TMOD3: variants seen among roughly 807,000 people sequenced by gnomAD.
TMOD3 encodes the protein tropomodulin 3.
TMOD3 carries 20 observed loss-of-function variants against 39.2 expected under a neutral mutation model. The ratio of observed to expected loss-of-function variants is 0.51; its 90% CI spans 0.36 to 0.74. TMOD3 has a LOEUF of 0.74. Among genes scored for constraint, TMOD3 ranks in the 30% least tolerant of loss-of-function variants. The pLI is 0.00. For missense variants in TMOD3, 381 were observed against 412.8 expected, an observed-to-expected ratio of 0.92 and a Z score of 0.67; for synonymous variants, 143 against 145.8, an observed-to-expected ratio of 0.98 and a Z score of 0.14.
chr15:51,836,435 C>T (rs1430035977), intron 1 of TMOD3, among the ~76,000 whole-genome samples: 1 of 152,110 alleles, frequency 6.6e-6, no homozygotes, highest in African/African-American at 2.4e-5. Flanking sequence ...TTCTTTCACC[C>T]TTATACTACT....
At chr15:51,852,678 T>A (rs1394036615) in intron 1 of TMOD3, among the ~76,000 whole-genome samples, 2 of 152,138 alleles carry the variant, frequency 1.3e-5, no homozygotes, top group African/African-American at 4.8e-5. Context: ...ACTAGGTAGC[T>A]GGAGGAGAAA....
chr15:51,861,675 T>A (rs2056419665), intron 1 of TMOD3, among the ~76,000 whole-genome samples: 1 of 148,972 alleles, frequency 6.7e-6, no homozygotes, highest in Admixed American at 6.7e-5. Context: ...TTTTTTTTTT[T>A]GAGACAAGGT....
intron 7 of TMOD3, among the ~76,000 whole-genome samples, chr15:51,897,319 G>C (rs1189363133): frequency 1.3e-5 from 2 of 151,944 alleles, no homozygotes; most frequent in East Asian, 3.9e-4. Flanking sequence ...CCGTATTCAT[G>C]TCCAGCTACC....
intron 5 of TMOD3, among the ~76,000 whole-genome samples, chr15:51,889,578 A>G (rs945661351): frequency 1.3e-5 from 2 of 152,134 alleles, no homozygotes; most frequent in African/African-American, 4.8e-5. Context: ...CTTTTCAGAA[A>G]CTCATTTATA....
intron 2 of TMOD3, among the ~76,000 whole-genome samples, chr15:51,868,006 G>A (rs1465398170): frequency 6.6e-6 from 1 of 152,142 alleles, no homozygotes; most frequent in Non-Finnish European, 1.5e-5. Context: ...GTATGTCAGG[G>A]GTCCCTTGGG....
chr15:51,863,804 A>G (rs746700709), intron 2 of TMOD3, among the ~76,000 whole-genome samples: 3 of 152,222 alleles, frequency 2.0e-5, no homozygotes, highest in African/African-American at 7.2e-5. Context: ...TGGATGATGT[A>G]TCTATACCAT....
In TMOD3 at chr15:51,875,937, G is replaced by A. The variant is rs1240508993; in HGVS notation, c.283+6564G>A. Among the ~76,000 whole-genome samples, 3 of 152,012 alleles carry A rather than the reference G, an allele frequency of 2.0e-5. No homozygotes were observed. In the East Asian group the frequency reaches 5.8e-4, roughly 29 times the overall value. ...CCGGCCTAAAGTACTGCTTTTAGTT[G>A]TTTCAGAATCTTGTACTCTGAGGCT... On this transcript the variant is annotated intron_variant, in intron 3 of 9. Coordinates refer to ENST00000308580, the MANE Select transcript of TMOD3 (RefSeq NM_014547.5).
At chr15:51,852,371 A>G (rs1288310236) in intron 1 of TMOD3, among the ~76,000 whole-genome samples, 1 of 152,140 alleles carries the variant, frequency 6.6e-6, no homozygotes, top group Non-Finnish European at 1.5e-5. Context: ...CCAGCACCTG[A>G]AGTGGAGTTA....
intron 3 of TMOD3, among the ~76,000 whole-genome samples, chr15:51,885,349 G>T (rs1270525869): frequency 1.3e-5 from 2 of 149,160 alleles, no homozygotes; most frequent in African/African-American, 2.5e-5. Context: ...GGGGGACTTG[G>T]CAGGGTCATA....
chr15:51,844,983 C>CA (rs1233670619), intron 1 of TMOD3, among the ~76,000 whole-genome samples: 1 of 152,144 alleles, frequency 6.6e-6, no homozygotes, highest in African/African-American at 2.4e-5. Flanking sequence ...CACTTTCCTG[C>CA]AGTATTTCAG....
chr15:51,834,745 C>T (rs962779711), intron 1 of TMOD3, among the ~76,000 whole-genome samples: 1 of 152,096 alleles, frequency 6.6e-6, no homozygotes, highest in Non-Finnish European at 1.5e-5. Context: ...GCAGGAGGAT[C>T]ATCTGAGGGA....
At chr15:51,858,282 G>GT (rs2056398274) in intron 1 of TMOD3, 1 of 152,242 alleles carries the variant, frequency 6.6e-6, no homozygotes, top group African/African-American at 2.4e-5. Context: ...TCAAACTCCT[G>GT]GGCTCAAGTG....
chr15:51,843,110 A>G (rs1238765439), intron 1 of TMOD3, among the ~76,000 whole-genome samples: 1 of 152,190 alleles, frequency 6.6e-6, no homozygotes, highest in East Asian at 1.9e-4. Flanking sequence ...AGCACTGCTG[A>G]TCTTGAGAGG....
At chr15:51,850,102 T>C (rs112354155) in intron 1 of TMOD3, among the ~76,000 whole-genome samples, 3 of 152,128 alleles carry the variant, frequency 2.0e-5, no homozygotes, top group Non-Finnish European at 2.9e-5. Flanking sequence ...ACAATTCTTT[T>C]AAGTTTGGCT....
chr15:51,843,816 A>G (rs2056323567), intron 1 of TMOD3, among the ~76,000 whole-genome samples: 1 of 152,208 alleles, frequency 6.6e-6, no homozygotes. Flanking sequence ...CCTTTGGTCC[A>G]AAGCTGTGGA....
At chr15:51,874,893 A>C (rs1412703840) in intron 3 of TMOD3, 1 of 151,450 alleles carries the variant, frequency 6.6e-6, no homozygotes, top group Non-Finnish European at 1.5e-5. Context: ...CTTGCACCGC[A>C]CTCCTTTTCT....
At chr15:51,877,710 G>A (rs1347765329) in intron 3 of TMOD3, among the ~76,000 whole-genome samples, 1 of 151,798 alleles carries the variant, frequency 6.6e-6, no homozygotes, top group African/African-American at 2.4e-5. Flanking sequence ...GTGTTAGGTG[G>A]GACTAGAGCA....
intron 7 of TMOD3, among the ~76,000 whole-genome samples, chr15:51,896,772 TA>T (rs2056622985): frequency 6.6e-6 from 1 of 152,218 alleles, no homozygotes; most frequent in South Asian, 2.1e-4. Context: ...TCATGTAGTA[TA>T]TGCTGTTCTG....
At chr15:51,836,988 A>G (rs1207924750) in intron 1 of TMOD3, among the ~76,000 whole-genome samples, 1 of 152,202 alleles carries the variant, frequency 6.6e-6, no homozygotes, top group African/African-American at 2.4e-5. Flanking sequence ...TGATAAGTAC[A>G]TACAAGTGAA....
Sources: gnomAD v4.1 joint callset for allele counts (sites outside exome capture counted in the v4.1 genomes callset) on GRCh38, gnomAD v4.1.1 for gene constraint, MANE v1.5 for transcripts, NCBI Gene and HGNC (gene_info 2026-07-23, HGNC 2026-07-21) for gene names.